HYDIN: variants seen among roughly 807,000 people sequenced by gnomAD.
The protein encoded by HYDIN is HYDIN axonemal central pair apparatus protein.
HYDIN carries 132 observed loss-of-function variants against 403.9 expected under a neutral mutation model. That is an observed-to-expected ratio of 0.33 (90% CI 0.28 to 0.38). HYDIN has a LOEUF of 0.38. Among genes scored for constraint, HYDIN ranks in the 10% least tolerant of loss-of-function variants. HYDIN has a pLI of 1.00. For missense variants in HYDIN, 2,827 were observed against 5,009.5 expected (o/e 0.56, Z 13.15); for synonymous variants, 1,202 against 1,891.7 (o/e 0.64, Z 9.46).
chr16:70,817,854 G>A (rs1375473027), intron 84 of HYDIN, among the ~76,000 whole-genome samples: 3 of 152,046 alleles, frequency 2.0e-5, no homozygotes, highest in East Asian at 3.9e-4. Flanking sequence ...CAATTCTTCT[G>A]CCTCAGCCTC....
chr16:70,901,584 CTTTTTTTT>C (rs77192535), intron 52 of HYDIN, among the ~76,000 whole-genome samples: 1 of 123,328 alleles, frequency 8.1e-6, no homozygotes, highest in African/African-American at 3.1e-5. Context: ...TATTTTCTTT[CTTTTTTTT>C]TTTTTTTTTT....
chr16:70,824,900 A>T (rs2036496139), intron 83 of HYDIN, among the ~76,000 whole-genome samples: 2 of 150,960 alleles, frequency 1.3e-5, no homozygotes, highest in Non-Finnish European at 2.9e-5. Context: ...GTCCAGGTGG[A>T]GTGCAGTGGT....
chr16:71,198,387 G>A (rs1159387530), intron 1 of HYDIN, among the ~76,000 whole-genome samples: 1 of 152,150 alleles, frequency 6.6e-6, no homozygotes, highest in African/African-American at 2.4e-5. Context: ...GAAAGAAACT[G>A]CTAGATCATA....
At chr16:70,856,968 C>G (rs2039063480) in intron 72 of HYDIN, among the ~76,000 whole-genome samples, 2 of 151,526 alleles carry the variant, frequency 1.3e-5, no homozygotes, top group South Asian at 4.2e-4. Context: ...AAAACATACT[C>G]TGGCTTTAGT....
chr16:70,986,313 C>A (rs1178963495), intron 27 of HYDIN, among the ~76,000 whole-genome samples: 1 of 150,810 alleles, frequency 6.6e-6, no homozygotes, highest in Non-Finnish European at 1.5e-5. Context: ...GGCCCAATAA[C>A]CACAAACAGG....
intron 30 of HYDIN, among the ~76,000 whole-genome samples, chr16:70,977,472 T>C: frequency 6.7e-6 from 1 of 149,198 alleles, no homozygotes; most frequent in Non-Finnish European, 1.5e-5. Context: ...CATCTTGTAC[T>C]TGAACCAGCC....
intron 1 of HYDIN, among the ~76,000 whole-genome samples, chr16:71,208,895 A>T (rs2088435956): frequency 6.6e-6 from 1 of 152,204 alleles, no homozygotes; most frequent in East Asian, 1.9e-4. Flanking sequence ...AAATTGAATC[A>T]GTAAAAAATA....
chr16:71,179,489 T>C (rs962493429), intron 3 of HYDIN, among the ~76,000 whole-genome samples: 2 of 152,192 alleles, frequency 1.3e-5, no homozygotes, highest in Non-Finnish European at 2.9e-5. Flanking sequence ...AGGGTATTCT[T>C]TATGGAGAAG....
chr16:70,996,273 G>A (rs925515), intron 23 of HYDIN, among the ~76,000 whole-genome samples: 2 of 152,118 alleles, frequency 1.3e-5, no homozygotes, highest in African/African-American at 2.4e-5. Flanking sequence ...CCACACTCTC[G>A]GGCTCTCCTA....
intron 57 of HYDIN, among the ~76,000 whole-genome samples, 169 bp from the exon 58 acceptor site, chr16:70,889,873 A>G (rs2656715): frequency 3.9e-4 from 60 of 152,214 alleles, no homozygotes; most frequent in African/African-American, 1.4e-3. Context: ...TCACTGACCA[A>G]ACTCATTTAG....
intron 5 of HYDIN, among the ~76,000 whole-genome samples, chr16:71,165,356 T>C (rs1042693586): frequency 1.3e-5 from 2 of 151,966 alleles, no homozygotes; most frequent in Non-Finnish European, 2.9e-5. Context: ...TCTTCAGCAC[T>C]TGGCACGGCG....
chr16:70,850,537 T>G lies in HYDIN; in HGVS notation c.12562A>C (p.Thr4188Pro), dbSNP rs2038561570. The change falls in exon 74 of 86, where the codon ACT becomes CCT. Residue 4188 changes from threonine to proline, a missense_variant. Transcript: ENST00000393567. ...VTLNVKAEGY[T>P]MNVEIKCKDR... ...TTGCACTTGATCTCCACATTCATAG[T>G]GTAGCCCTCGGCCTTGACATTTAAT... The G allele has an allele frequency of 3.1e-6, 5 of 1,610,528 alleles. No homozygotes were observed. Among genetic ancestry groups the G allele is most frequent in the Non-Finnish European group, 4.2e-6 (5 of 1,178,474 alleles).
At chr16:71,164,624 C>T (rs1406356268) in intron 5 of HYDIN, among the ~76,000 whole-genome samples, 1 of 59,792 alleles carries the variant, frequency 1.7e-5, no homozygotes, top group Non-Finnish European at 3.4e-5. Flanking sequence ...ATAGCCTTTA[C>T]GCCTGTAGTT....
intron 18 of HYDIN, among the ~76,000 whole-genome samples, chr16:71,041,452 A>C (rs1406505027): frequency 2.0e-5 from 3 of 152,254 alleles, no homozygotes; most frequent in Non-Finnish European, 4.4e-5. Flanking sequence ...TAGTAGTAAA[A>C]AACTGGGAAC....
rs60100896 is a variant in HYDIN at position 70,884,680 on chromosome 16, T to TAAAACAAAAC, written c.9775-566_9775-557dup. 9.3e-3 allele frequency among the ~76,000 whole-genome samples: 1,355 copies of TAAAACAAAAC among 146,382 alleles called. 13 individuals are homozygous for TAAAACAAAAC. The highest frequency in any genetic ancestry group is 0.04 in the South Asian group (175 of 4,348). ...ATAGCATCTGGTATGGAATTAGTGC[T>TAAAACAAAAC]AAAACAAAACAAAACAAAACAAAAC... On this transcript the variant is annotated intron_variant, in intron 58 of 85. Coordinates refer to ENST00000393567, the MANE Select transcript of HYDIN (RefSeq NM_001270974.2).
intron 41 of HYDIN, among the ~76,000 whole-genome samples, chr16:70,946,557 A>C (rs1233512540): frequency 6.6e-6 from 1 of 152,078 alleles, no homozygotes; most frequent in African/African-American, 2.4e-5. Context: ...AGTGTGGTGA[A>C]GGGCAAGTTG....
Position 70,808,060 on chromosome 16 carries a change from G to A in HYDIN, c.14886C>T (p.Thr4962=), listed in dbSNP as rs747200458. 51 of 1,598,298 alleles carry A rather than the reference G, an allele frequency of 3.2e-5. No individual in the cohort carries two copies. The South Asian group carries it at 3.5e-4, about 11-fold the overall frequency. ...TRQRTEYYCR[T]DCTDFHAEKL... is the part of the protein sequence containing the mutation. ...TTTCTGCGTGGAAGTCTGTACAGTC[G>A]GTCTGAAAGGGGAACAAACAAACTC... Residue 4962 remains threonine, a splice_region_variant and synonymous_variant, in exon 86 of 86, where the codon ACC becomes ACT. Transcript: ENST00000393567.
chr16:71,129,916 C>T, intron 8 of HYDIN, 93 bp from the exon 9 acceptor site: 1 of 1,525,370 alleles, frequency 6.6e-7, no homozygotes, highest in Non-Finnish European at 8.9e-7. Flanking sequence ...TGGAAATGTC[C>T]TCAGCCACCA....
intron 23 of HYDIN, among the ~76,000 whole-genome samples, chr16:71,006,972 C>T (rs1217411263): frequency 6.6e-6 from 1 of 150,994 alleles, no homozygotes; most frequent in African/African-American, 2.4e-5. Flanking sequence ...CCTCACCCCA[C>T]CCCTTTCTCT....
Sources: gnomAD v4.1 joint callset for allele counts (sites outside exome capture counted in the v4.1 genomes callset) on GRCh38, gnomAD v4.1.1 for gene constraint, MANE v1.5 for transcripts, NCBI Gene and HGNC (gene_info 2026-07-23, HGNC 2026-07-21) for gene names.